Variants in MAOB observed in about 807,000 individuals in gnomAD.
The protein encoded by MAOB is monoamine oxidase B, also known as amine oxidase [flavin-containing] B.
MAOB carries 15 observed loss-of-function variants against 41.9 expected under a neutral mutation model. That is an observed-to-expected ratio of 0.36 (90% CI 0.24 to 0.55). The LOEUF (loss-of-function observed/expected upper bound fraction) is 0.55, where lower values mean the gene tolerates loss of function less well. Among genes scored for constraint, MAOB ranks in the 20% least tolerant of loss-of-function variants. The pLI, the probability that MAOB is intolerant of heterozygous loss-of-function variation, is 0.86. For synonymous variants in MAOB, 167 were observed against 144.2 expected, an observed-to-expected ratio of 1.16 and a Z score of -1.13; for missense variants, 345 against 398.7, an observed-to-expected ratio of 0.87 and a Z score of 1.15.
intron 3 of MAOB, among the ~76,000 whole-genome samples, chrX:43,804,826 C>CTT (rs2034641955): frequency 8.9e-6 from 1 of 111,773 alleles, no homozygotes; most frequent in Non-Finnish European, 1.9e-5. Context: ...TCAAAGTCTA[C>CTT]TGATTTAAAT....
intron 1 of MAOB, among the ~76,000 whole-genome samples, chrX:43,857,168 AAGAGAG>A (rs769153460): frequency 2.8e-4 from 7 of 24,866 alleles, no homozygotes; most frequent in East Asian, 1.5e-3. Flanking sequence ...GAGAGAGAAG[AAGAGAG>A]AGAGAGAGAG....
rs778015192 is a variant in MAOB at position 43,775,114 on chromosome X, T to C, written c.1235+61A>G. On this transcript the variant is annotated intron_variant, in intron 12 of 14. Coordinates refer to ENST00000378069, the MANE Select transcript of MAOB (RefSeq NM_000898.5). The stretch of plus-strand genomic sequence containing the variant: ...AAGGGAGAAGAGCTACCTGAACCTA[T>C]TTAGGTTTTGGATTCAGGTGCAGGG... 9.1e-5 allele frequency: 94 copies of C among 1,030,159 alleles called. 1 individual carries two copies. Among genetic ancestry groups the C allele is most frequent in the African/African-American group, 2.0e-5 (1 of 48,803 alleles). 84.9% of individuals were successfully genotyped at this position (1,030,159 alleles called of 1,213,427 possible). A position where few individuals can be genotyped will look rare whatever the true frequency, so the allele number is the denominator to read the frequency against.
At chrX:43,840,598 C>T (rs1339253225) in intron 2 of MAOB, among the ~76,000 whole-genome samples, 2 of 111,267 alleles carry the variant, frequency 1.8e-5, no homozygotes, top group South Asian at 7.8e-4. Flanking sequence ...CCCAGTTCAT[C>T]TCACTGGGAC....
intron 3 of MAOB, among the ~76,000 whole-genome samples, chrX:43,817,277 T>C (rs994781551): frequency 3.6e-5 from 4 of 110,585 alleles, no homozygotes; most frequent in Non-Finnish European, 7.6e-5. Flanking sequence ...TGCTAGACAA[T>C]AATAATCCAT....
intron 3 of MAOB, among the ~76,000 whole-genome samples, chrX:43,806,169 A>T (rs1049745153): frequency 8.9e-6 from 1 of 111,862 alleles, no homozygotes; most frequent in Non-Finnish European, 1.9e-5. Context: ...ACACTGGTAG[A>T]TCACTATGTA....
intron 8 of MAOB, among the ~76,000 whole-genome samples, chrX:43,783,948 T>C (rs890712820): frequency 8.9e-6 from 1 of 112,261 alleles, no homozygotes; most frequent in East Asian, 2.8e-4. Context: ...ATTTCAACAA[T>C]GTTCACAGCA....
intron 12 of MAOB, among the ~76,000 whole-genome samples, 160 bp from the exon 13 acceptor site, chrX:43,769,578 C>T (rs760102104): frequency 8.9e-6 from 1 of 112,076 alleles, no homozygotes; most frequent in African/African-American, 3.2e-5. Flanking sequence ...CCAGCTCTTA[C>T]ATGATCCTTG....
At chrX:43,807,987 T>C (rs754622362) in intron 3 of MAOB, among the ~76,000 whole-genome samples, 4 of 111,759 alleles carry the variant, frequency 3.6e-5, no homozygotes, top group Non-Finnish European at 5.6e-5. Flanking sequence ...AGACCCACTA[T>C]GGTCTCTGCA....
chrX:43,882,064 CGCACCCAAAATT>C (rs1302348197), intron 1 of MAOB, among the ~76,000 whole-genome samples, 178 bp downstream of exon 1: 1 of 112,142 alleles, frequency 8.9e-6, no homozygotes, highest in Non-Finnish European at 1.9e-5. Context: ...CGTCCGGGAA[CGCACCCAAAATT>C]GCCCCCAAAG....
intron 3 of MAOB, among the ~76,000 whole-genome samples, chrX:43,817,819 T>A (rs965820401): frequency 1.2e-4 from 13 of 112,289 alleles, no homozygotes; most frequent in African/African-American, 3.2e-4. Context: ...AAATGTCACT[T>A]CCTCAGAGAT....
chrX:43,834,347 G>A (rs895231565), intron 3 of MAOB, among the ~76,000 whole-genome samples: 1 of 111,734 alleles, frequency 8.9e-6, no homozygotes, highest in African/African-American at 3.3e-5. Context: ...GTGAAGAAGG[G>A]AATATTGAGG....
chrX:43,820,327 G>T (rs759389795), intron 3 of MAOB, among the ~76,000 whole-genome samples: 2 of 111,860 alleles, frequency 1.8e-5, no homozygotes, highest in East Asian at 2.8e-4. Flanking sequence ...ATCTATTGTG[G>T]TTTTTCACAG....
At chrX:43,807,545 A>G (rs2034683034) in intron 3 of MAOB, among the ~76,000 whole-genome samples, 1 of 112,539 alleles carries the variant, frequency 8.9e-6, no homozygotes, top group Non-Finnish European at 1.9e-5. Context: ...CTCTGGAGCC[A>G]GTCTCCCTGG....
intron 3 of MAOB, among the ~76,000 whole-genome samples, chrX:43,835,653 G>A (rs1027723501): frequency 1.8e-5 from 2 of 111,855 alleles, no homozygotes; most frequent in Non-Finnish European, 3.8e-5. Context: ...AGCACACTAG[G>A]TGTTTAAAGA....
At chrX:43,819,909 TA>T (rs1362882816) in intron 3 of MAOB, among the ~76,000 whole-genome samples, 1 of 112,170 alleles carries the variant, frequency 8.9e-6, no homozygotes, top group Non-Finnish European at 1.9e-5. Flanking sequence ...CAAATCTAAC[TA>T]AGGCCCTCAA....
chrX:43,866,997 C>T (rs1008357649), intron 1 of MAOB, among the ~76,000 whole-genome samples: 7 of 112,637 alleles, frequency 6.2e-5, no homozygotes, highest in African/African-American at 1.6e-4. Flanking sequence ...GGCTGCTTTT[C>T]GGGGGGCATT....
chrX:43,862,790 A>G (rs1051955932), intron 1 of MAOB, among the ~76,000 whole-genome samples: 1 of 111,922 alleles, frequency 8.9e-6, no homozygotes, highest in African/African-American at 3.2e-5. Context: ...CAGTTCAGAA[A>G]CATAAACAAA....
At chrX:43,799,237 A>T (rs777067824) in intron 5 of MAOB, among the ~76,000 whole-genome samples, 3 of 112,551 alleles carry the variant, frequency 2.7e-5, no homozygotes, top group Non-Finnish European at 5.6e-5. Context: ...ATTTCTCAGG[A>T]TAATTGAAGG....
At chrX:43,858,979 T>A (rs1202480095) in intron 1 of MAOB, among the ~76,000 whole-genome samples, 6 of 111,434 alleles carry the variant, frequency 5.4e-5, no homozygotes, top group Non-Finnish European at 1.1e-4. Context: ...TTAGGTTCAA[T>A]CCCTTTGAGA....
Sources: gnomAD v4.1 joint callset for allele counts (sites outside exome capture counted in the v4.1 genomes callset) on GRCh38, gnomAD v4.1.1 for gene constraint, MANE v1.5 for transcripts, NCBI Gene and HGNC (gene_info 2026-07-23, HGNC 2026-07-21) for gene names.